Variants in MACROD2 observed in about 807,000 individuals in gnomAD.
MACROD2 encodes mono-ADP ribosylhydrolase 2, also known as ADP-ribose glycohydrolase MACROD2.
Under a neutral mutation model 70.4 loss-of-function variants are expected in MACROD2, and 36 were observed. The ratio of observed to expected loss-of-function variants is 0.51; its 90% CI spans 0.39 to 0.68. The LOEUF (loss-of-function observed/expected upper bound fraction) is 0.68. Ranked by LOEUF, MACROD2 falls within the 30% of genes least tolerant of loss-of-function variation. MACROD2 has a pLI of 0.00. For synonymous variants in MACROD2, 172 were observed against 178.8 expected (o/e 0.96, Z 0.30); for missense variants, 496 against 538.4 (o/e 0.92, Z 0.78).
intron 3 of MACROD2, among the ~76,000 whole-genome samples, chr20:14,274,912 A>G (rs934760719): frequency 6.6e-6 from 1 of 151,868 alleles, no homozygotes; most frequent in Admixed American, 6.6e-5. Context: ...TTCAAAGAGT[A>G]TAAAATACCT....
intron 6 of MACROD2, among the ~76,000 whole-genome samples, chr20:15,418,935 A>G (rs2046191800): frequency 6.6e-6 from 1 of 152,062 alleles, no homozygotes; most frequent in African/African-American, 2.4e-5. Flanking sequence ...GTTTCCTCTG[A>G]GGTTCTGCCA....
chr20:15,390,608 C>G (rs987890717), intron 6 of MACROD2, among the ~76,000 whole-genome samples: 1 of 152,054 alleles, frequency 6.6e-6, no homozygotes, highest in Admixed American at 6.6e-5. Flanking sequence ...TATCTATTAC[C>G]TGCTCTTGAT....
chr20:15,604,964 T>G (rs1378705123), intron 8 of MACROD2, among the ~76,000 whole-genome samples: 1 of 152,208 alleles, frequency 6.6e-6, no homozygotes, highest in African/African-American at 2.4e-5. Flanking sequence ...TCTGGCCTTT[T>G]GGAAACAGAG....
chr20:15,735,719 A>G (rs2051010311), intron 8 of MACROD2, among the ~76,000 whole-genome samples: 1 of 152,164 alleles, frequency 6.6e-6, no homozygotes, highest in South Asian at 2.1e-4. Flanking sequence ...CTTTGACTAT[A>G]TATTTGTTTT....
intron 3 of MACROD2, among the ~76,000 whole-genome samples, chr20:14,366,614 C>A (rs902560161): frequency 2.6e-5 from 4 of 152,044 alleles, no homozygotes; most frequent in African/African-American, 9.7e-5. Context: ...ATATGTCCTC[C>A]TTGGCCTCCG....
chr20:14,796,224 C>T (rs2072508300), intron 5 of MACROD2, among the ~76,000 whole-genome samples: 1 of 152,002 alleles, frequency 6.6e-6, no homozygotes, highest in Non-Finnish European at 1.5e-5. Context: ...TGATTGGAAT[C>T]CATAACTTGA....
intron 3 of MACROD2, among the ~76,000 whole-genome samples, chr20:14,306,584 A>G (rs1303827506): frequency 6.6e-6 from 1 of 152,104 alleles, no homozygotes; most frequent in African/African-American, 2.4e-5. Context: ...ATTTTAACAT[A>G]AGGCAATTGG....
chr20:15,201,056 G>C (rs1040145692), intron 5 of MACROD2, among the ~76,000 whole-genome samples: 1 of 152,058 alleles, frequency 6.6e-6, no homozygotes, highest in Non-Finnish European at 1.5e-5. Context: ...CCTCCCAGGT[G>C]CTGCTGCTGC....
At chr20:15,668,702 A>AAGAT (rs1448579755) in intron 8 of MACROD2, among the ~76,000 whole-genome samples, 6 of 152,234 alleles carry the variant, frequency 3.9e-5, no homozygotes, top group African/African-American at 1.4e-4. Flanking sequence ...CTCGATTATG[A>AAGAT]AGATACATTT....
At chr20:14,598,821 C>A (rs964510706) in intron 4 of MACROD2, among the ~76,000 whole-genome samples, 3 of 152,104 alleles carry the variant, frequency 2.0e-5, no homozygotes, top group Non-Finnish European at 4.4e-5. Context: ...GGTGCTATGA[C>A]ATATGCCACA....
intron 8 of MACROD2, among the ~76,000 whole-genome samples, chr20:15,645,680 A>G (rs2049530389): frequency 6.6e-6 from 1 of 152,230 alleles, no homozygotes; most frequent in Non-Finnish European, 1.5e-5. Flanking sequence ...CTAAGAAAAT[A>G]TCTTTCAAAA....
rs541039766 is a variant in MACROD2 at position 14,468,933 on chromosome 20, C to T, written c.272-24546C>T. 3.8e-4 allele frequency among the ~76,000 whole-genome samples: 58 copies of T among 152,232 alleles called. No homozygotes were observed. The South Asian group carries it at 0.012, about 30-fold the overall frequency. On this transcript the variant is annotated intron_variant, in intron 3 of 17. Transcript: ENST00000684519. Reference sequence around the variant, plus strand: ...TGAATTGGAGGATTTAGCCCATTTACATTTAAGGTTAATATTGTTATGTGT... The same window carrying T: ...TGAATTGGAGGATTTAGCCCATTTATATTTAAGGTTAATATTGTTATGTGT...
At chr20:15,996,519 T>C (rs2066634406) in intron 15 of MACROD2, among the ~76,000 whole-genome samples, 1 of 152,178 alleles carries the variant, frequency 6.6e-6, no homozygotes, top group Non-Finnish European at 1.5e-5. Flanking sequence ...ACTCAAACTC[T>C]TCATTGATTT....
chr20:15,954,969 GGT>G (rs2065956502), intron 12 of MACROD2, among the ~76,000 whole-genome samples: 1 of 152,160 alleles, frequency 6.6e-6, no homozygotes, highest in South Asian at 2.1e-4. Context: ...CACATAACTA[GGT>G]TGCAGGGCAG....
chr20:15,012,223 A>T (rs981967893), intron 5 of MACROD2, among the ~76,000 whole-genome samples: 6 of 152,328 alleles, frequency 3.9e-5, no homozygotes, highest in African/African-American at 1.4e-4. Flanking sequence ...GTGAACAGTG[A>T]AAGTTTGACA....
At chr20:14,358,896 T>A (rs944000226) in intron 3 of MACROD2, among the ~76,000 whole-genome samples, 10 of 152,194 alleles carry the variant, frequency 6.6e-5, no homozygotes, top group Admixed American at 2.6e-4. Context: ...TTTGAAAAAA[T>A]TGTAGTGAGG....
At chr20:14,521,416 C>A (rs2085167939) in intron 4 of MACROD2, among the ~76,000 whole-genome samples, 1 of 152,146 alleles carries the variant, frequency 6.6e-6, no homozygotes, top group Non-Finnish European at 1.5e-5. Flanking sequence ...TATTGTATGC[C>A]AGGCAGCATA....
At chr20:15,519,055 T>G (rs117090346) in intron 8 of MACROD2, among the ~76,000 whole-genome samples, 1 of 116,340 alleles carries the variant, frequency 8.6e-6, no homozygotes, top group Admixed American at 9.1e-5. Flanking sequence ...TAACTCGCTC[T>G]TTCCTTCCTT....
intron 7 of MACROD2, among the ~76,000 whole-genome samples, chr20:15,475,183 T>C (rs2047006686): frequency 6.6e-6 from 1 of 152,180 alleles, no homozygotes; most frequent in African/African-American, 2.4e-5. Context: ...TACTATTCCA[T>C]TTTTTATCAG....
Sources: allele counts gnomAD v4.1 joint callset (sites outside exome capture counted in the v4.1 genomes callset), GRCh38; gene constraint gnomAD v4.1.1; transcripts MANE v1.5; gene names NCBI Gene and HGNC (gene_info 2026-07-23, HGNC 2026-07-21).